The following EPHX1 variants were observed in gnomAD, a reference collection of about 807,000 sequenced individuals.
EPHX1 encodes epoxide hydrolase 1, also known as epoxide hydratase.
A neutral mutation model predicts 43.2 loss-of-function variants in EPHX1; 40 were observed. That is an observed-to-expected ratio of 0.93 (90% CI 0.72 to 1.21). EPHX1 has a LOEUF of 1.21. EPHX1 is among the 50% of genes most tolerant of loss of function. The probability of loss-of-function intolerance (pLI) is 0.00; values close to 1 mark genes in which losing one functional copy is unlikely to be tolerated. For synonymous variants in EPHX1, 221 were observed against 226.7 expected (o/e 0.98, Z 0.22); for missense variants, 550 against 570.4 (o/e 0.96, Z 0.36).
intron 1 of EPHX1, among the ~76,000 whole-genome samples, chr1:225,820,543 C>T (rs1666934959): frequency 1.3e-5 from 2 of 152,146 alleles, no homozygotes; most frequent in Admixed American, 6.6e-5. Context: ...GAGACAACTA[C>T]ACTCGGAAAT....
chr1:225,810,287 G>T (rs1462327411), intron 1 of EPHX1, 118 bp downstream of exon 1: 2 of 151,744 alleles, frequency 1.3e-5, no homozygotes, highest in Non-Finnish European at 2.9e-5. Flanking sequence ...TCGGGGCTGC[G>T]GTCGGCCCGC....
intron 1 of EPHX1, among the ~76,000 whole-genome samples, chr1:225,813,501 T>C (rs942918163): frequency 6.6e-6 from 1 of 152,124 alleles, no homozygotes; most frequent in Non-Finnish European, 1.5e-5. Flanking sequence ...TGGTGGGCGC[T>C]CCAGGAAGAG....
At position 225,839,265 on chromosome 1, in the gene EPHX1, G is replaced by T; in HGVS notation, c.641G>T (p.Arg214Leu). Residue 214 changes from arginine (R) to leucine (L), a missense_variant, in exon 5 of 9, where the codon CGG becomes CTG. By Grantham distance (102) the Arg-to-Leu change is moderately radical (BLOSUM62 -2). Coordinates refer to ENST00000272167, the MANE Select transcript of EPHX1 (RefSeq NM_001136018.4). ...TARIFYKLML[R>L]LGFQEFYIQG... ...AGGATCTTTTACAAGCTGATGCTGCGGCTGGGCTTCCAGGAATTCTACATT... is the reference window on the plus strand; with the variant it reads ...AGGATCTTTTACAAGCTGATGCTGCTGCTGGGCTTCCAGGAATTCTACATT... 6.2e-7 allele frequency: 1 copy of T among 1,614,126 alleles called. No homozygotes were observed.
rs1271608146 is a variant in EPHX1, at chr1:225,832,938, T to C, written c.364+979T>C. 5.9e-5 allele frequency among the ~76,000 whole-genome samples: 9 copies of C among 152,360 alleles called. No individual in the cohort carries two copies. In the South Asian group the frequency reaches 1.4e-3, roughly 25 times the overall value. On this transcript the variant is annotated intron_variant, in intron 3 of 8. Coordinates refer to ENST00000272167, the MANE Select transcript of EPHX1 (RefSeq NM_001136018.4). ...AGTTCTCTATATATTCTGAATAAAA[T>C]CTCTTATATTTGCAAATGTTTTCTC... is the stretch of plus-strand genomic sequence containing the variant.
At chr1:225,815,453 G>C (rs1422987545) in intron 1 of EPHX1, among the ~76,000 whole-genome samples, 2 of 124,190 alleles carry the variant, frequency 1.6e-5, no homozygotes, top group African/African-American at 6.5e-5. Flanking sequence ...AGGTTTCACT[G>C]TGTTGCCCAG....
In EPHX1 at chr1:225,838,778, C is replaced by A; in HGVS notation, c.489C>A (p.Leu163=). 1 of 1,614,224 alleles carries A rather than the reference C, an allele frequency of 6.2e-7. No individual in the cohort carries two copies. The highest frequency in any genetic ancestry group is 8.5e-7 in the Non-Finnish European group (1 of 1,180,044). Residue 163 remains leucine (L), a synonymous_variant, in exon 4 of 9, where the codon CTC becomes CTA. Coordinates refer to ENST00000272167, the MANE Select transcript of EPHX1 (RefSeq NM_001136018.4). ...SFYEFYKIIP[L]LTDPKNHGLS... is the part of the protein sequence containing the mutation. ...ACGAGTTTTATAAGATCATCCCACTCCTGACTGACCCCAAGAACCATGGCC... is the reference window on the plus strand; with the variant it reads ...ACGAGTTTTATAAGATCATCCCACTACTGACTGACCCCAAGAACCATGGCC...
intron 2 of EPHX1, 92 bp downstream of exon 2, chr1:225,829,004 C>G: frequency 7.0e-7 from 1 of 1,428,716 alleles, no homozygotes. Context: ...CGGGAGGGGA[C>G]GGGGGCTTGG....
At chr1:225,839,196 G>A (rs1462145118) in intron 4 of EPHX1, 21 bp from the exon 5 acceptor site, 2 of 1,613,810 alleles carry the variant, frequency 1.2e-6, no homozygotes, top group African/African-American at 1.3e-5. Context: ...GTGACTCCAT[G>A]CCTTTCCCCA....
rs543800948 is a variant in EPHX1 at position 225,831,214 on chromosome 1, G to A, written c.184-565G>A. On this transcript the variant is annotated intron_variant, in intron 2 of 8. Coordinates refer to ENST00000272167, the MANE Select transcript of EPHX1 (RefSeq NM_001136018.4). Reference sequence around the variant, plus strand: ...GTTTGCCGACTCCCGCTGTAGAGACGCCTGGGTAAATTAAAGATGAGTATC... The same window carrying A: ...GTTTGCCGACTCCCGCTGTAGAGACACCTGGGTAAATTAAAGATGAGTATC... Among the ~76,000 whole-genome samples the A allele has an allele frequency of 6.6e-5, 10 of 152,260 alleles. 1 individual carries two copies. Among genetic ancestry groups the A allele is most frequent in the South Asian group, 2.1e-4 (1 of 4,822 alleles).
Position 225,844,541 on chromosome 1 carries a change from T to C in EPHX1, c.1084T>C (p.Trp362Arg). The change falls in exon 8 of 9, where the codon TGG becomes CGG. Residue 362 changes from tryptophan (W) to arginine (R), a missense_variant. Trp to Arg is a moderately radical substitution (Grantham distance 101, BLOSUM62 -3). Transcript: ENST00000272167. The stretch of plus-strand genomic sequence containing the variant: ...CCTGCTGACCAACGTCATGCTCTAC[T>C]GGACAACAGGCACCATCATCTCCTC... ...DDLLTNVMLY[W>R]TTGTIISSQR... 6.2e-7 allele frequency: 1 copy of C among 1,614,144 alleles called. No homozygotes were observed. Among genetic ancestry groups the C allele is most frequent in the Non-Finnish European group, 8.5e-7 (1 of 1,180,006 alleles).
At chr1:225,829,991 T>G (rs949612863) in intron 2 of EPHX1, among the ~76,000 whole-genome samples, 1 of 151,676 alleles carries the variant, frequency 6.6e-6, no homozygotes, top group African/African-American at 2.4e-5. Context: ...GGCAGGAGAA[T>G]CCCTTGAACC....
chr1:225,836,414 C>G (rs977630786), intron 3 of EPHX1, among the ~76,000 whole-genome samples: 1 of 151,902 alleles, frequency 6.6e-6, no homozygotes, highest in Non-Finnish European at 1.5e-5. Flanking sequence ...GGCAACATAG[C>G]GAGACCCCTT....
chr1:225,818,105 C>T (rs1666809523), intron 1 of EPHX1, among the ~76,000 whole-genome samples: 1 of 152,148 alleles, frequency 6.6e-6, no homozygotes, highest in African/African-American at 2.4e-5. Context: ...ACCTACTCAG[C>T]CCTCTTCCTG....
rs2102684518 is a variant in EPHX1 at position 225,817,553 on chromosome 1, C to T, written c.-6+7384C>T. Among the ~76,000 whole-genome samples the T allele has an allele frequency of 6.6e-6, 1 of 152,308 alleles. No homozygotes were observed. The highest frequency in any genetic ancestry group is 2.1e-4 in the South Asian group (1 of 4,828). On this transcript the variant is annotated intron_variant, in intron 1 of 8. Coordinates refer to ENST00000272167, the MANE Select transcript of EPHX1 (RefSeq NM_001136018.4). The surrounding 1 kb of genome is among the most constrained non-coding windows in gnomAD (Gnocchi z 5.7). Reference sequence around the variant, plus strand: ...ACCAGGCCTGCAGAAGCAGCAGACCCTCCAAGCCCACCTACCTCTCTGGCC... The same window carrying T: ...ACCAGGCCTGCAGAAGCAGCAGACCTTCCAAGCCCACCTACCTCTCTGGCC...
At chr1:225,838,581 C>T in intron 3 of EPHX1, 73 bp from the exon 4 acceptor site, 8 of 1,367,956 alleles carry the variant, frequency 5.8e-6, no homozygotes, top group Non-Finnish European at 8.3e-6. Flanking sequence ...TATCTAGGCT[C>T]TGGGGGGTGC....
At chr1:225,828,981 C>A in intron 2 of EPHX1, 69 bp downstream of exon 2, 1 of 1,530,964 alleles carries the variant, frequency 6.5e-7, no homozygotes, top group Non-Finnish European at 8.8e-7. Context: ...GGGGTTGGGT[C>A]TTAGGCCAGA....
At chr1:225,842,336 GTC>G (rs1491203686) in intron 6 of EPHX1, 28 bp from the exon 7 acceptor site, 9 of 1,499,796 alleles carry the variant, frequency 6.0e-6, no homozygotes, top group Non-Finnish European at 8.4e-6. Context: ...CCAGGCCTGA[GTC>G]TCTCCCTTGC....
At position 225,845,329 on chromosome 1, in the gene EPHX1, G is replaced by T. The variant is rs4149230; in HGVS notation, c.1350G>T (p.Ser450=). ...CCCAGGACATCCGCAAGTTCCTGTC[G>T]GTGCTGGAGCGGCAATGACCCACCC... ...LLAQDIRKFL[S]VLERQ is the part of the protein sequence containing the mutation. The change falls in exon 9 of 9, where the codon TCG becomes TCT. Residue 450 remains serine (S), a synonymous_variant. Transcript: ENST00000272167. 6.2e-7 allele frequency: 1 copy of T among 1,610,918 alleles called. No individual in the cohort carries two copies. The highest frequency in any genetic ancestry group is 8.5e-7 in the Non-Finnish European group (1 of 1,179,878).
chr1:225,844,936 G>A (rs1668809104), intron 8 of EPHX1, among the ~76,000 whole-genome samples: 1 of 152,166 alleles, frequency 6.6e-6, no homozygotes, highest in Non-Finnish European at 1.5e-5. Flanking sequence ...TTTAGAGGCT[G>A]TCCCATGCCC....
Sources: gnomAD v4.1 joint callset for allele counts (sites outside exome capture counted in the v4.1 genomes callset) on GRCh38, gnomAD v4.1.1 for gene constraint, Gnocchi (gnomAD v3.1) non-coding constraint, MANE v1.5 for transcripts, NCBI Gene and HGNC (gene_info 2026-07-23, HGNC 2026-07-21) for gene names.